EVA1B: variants seen among roughly 807,000 people sequenced by gnomAD.
EVA1B encodes protein eva-1 homolog B.
A neutral mutation model predicts 4.6 loss-of-function variants in EVA1B; 2 were observed. The observed-to-expected ratio is 0.43, with a 90% CI of 0.18 to 1.37. The LOEUF (loss-of-function observed/expected upper bound fraction) is 1.37, where lower values mean the gene tolerates loss of function less well. EVA1B is among the 40% of genes most tolerant of loss of function. EVA1B has a pLI of 0.28. For missense variants in EVA1B, 263 were observed against 240.4 expected (o/e 1.09, Z -0.62); for synonymous variants, 124 against 115.8 (o/e 1.07, Z -0.46).
Position 36,323,033 on chromosome 1 carries a change from T to G in EVA1B, c.5A>C (p.Asp2Ala), listed in dbSNP as rs1203961674. 10 of 1,599,416 alleles carry G rather than the reference T, an allele frequency of 6.3e-6. No homozygotes were observed. Among genetic ancestry groups the G allele is most frequent in the African/African-American group, 2.7e-5 (2 of 73,688 alleles). M[D>A]APRRDMELLS... is the part of the protein sequence containing the mutation. ...CAACTCCATGTCCCTTCGCGGGGCATCCATGCTGCTCTGGGGGGCAGCTCC... is the reference window on the plus strand; with the variant it reads ...CAACTCCATGTCCCTTCGCGGGGCAGCCATGCTGCTCTGGGGGGCAGCTCC... The change falls in exon 2 of 3, where the codon GAT becomes GCT. Residue 2 changes from aspartate (D) to alanine (A), a missense_variant. Transcript: ENST00000490466.
intron 2 of EVA1B, 122 bp downstream of exon 2, chr1:36,322,849 G>A (rs1646491138): frequency 3.6e-5 from 55 of 1,507,344 alleles, no homozygotes; most frequent in Non-Finnish European, 4.8e-5. Context: ...GGGCATTAGG[G>A]AACCGCCAGC....
rs1447060584 is a variant in EVA1B at position 36,322,641 on chromosome 1, A to T, written c.152T>A (p.Ile51Asn). Residue 51 changes from isoleucine to asparagine, a missense_variant, in exon 3 of 3, where the codon ATC (isoleucine) becomes AAC (asparagine). Transcript: ENST00000490466. ...GGGCCGCGGGCGGGGCGCCCACGAG[A>T]TGCTGATGACGAGCAGGCAGAGGGT... ...LLTLCLLVIS[I>N]SWAPRPRPRG... 6.5e-7 allele frequency: 1 copy of T among 1,545,512 alleles called. No individual in the cohort carries two copies. The highest frequency in any genetic ancestry group is 8.7e-7 in the Non-Finnish European group (1 of 1,146,832).
chr1:36,322,593 T>C lies in EVA1B; in HGVS notation c.200A>G (p.Asp67Gly). The C allele has an allele frequency of 6.5e-7, 1 of 1,548,062 alleles. No individual in the cohort carries two copies. Residue 67 changes from aspartate (D) to glycine (G), a missense_variant, in exon 3 of 3, where the codon GAC becomes GGC. Transcript: ENST00000490466. ...PRPRGPAQRR[D>G]PRSSTLEPED... ...GGGCTCCAGGGTGCTGCTGCGGGGGTCCCGGCGCTGAGCCGGGCCCCGGGG... is the reference window on the plus strand; with the variant it reads ...GGGCTCCAGGGTGCTGCTGCGGGGGCCCCGGCGCTGAGCCGGGCCCCGGGG...
At chr1:36,323,178 A>G in intron 1 of EVA1B, 111 bp from the exon 2 acceptor site, 2 of 894,874 alleles carry the variant, frequency 2.2e-6, no homozygotes, top group South Asian at 3.7e-5. Flanking sequence ...CCCTGGAGAG[A>G]GCGCTTCCCT....
Position 36,322,092 on chromosome 1 carries a change from A to C in EVA1B, c.*203T>G. ...ACCTCTTCATCGACCCCAGAGAGGG[A>C]GTGGGGACCCTGCATGCTGCCCCCT... On this transcript the variant is annotated 3_prime_UTR_variant, in exon 3 of 3. Transcript: ENST00000490466. 7.4e-7 allele frequency: 1 copy of C among 1,353,888 alleles called. No homozygotes were observed. The highest frequency in any genetic ancestry group is 1.8e-5 in the South Asian group (1 of 54,610). 83.9% of individuals were successfully genotyped at this position (1,353,888 alleles called of 1,614,324 possible). A position where few individuals can be genotyped will look rare whatever the true frequency, so the allele number is the denominator to read the frequency against.
intron 1 of EVA1B, 42 bp from the exon 2 acceptor site, chr1:36,323,109 C>G: frequency 6.7e-7 from 1 of 1,496,064 alleles, no homozygotes; most frequent in Non-Finnish European, 9.0e-7. Flanking sequence ...CAGCCTGGAG[C>G]CCACCCCGAC....
chr1:36,322,839 G>T, intron 2 of EVA1B, 114 bp from the exon 3 acceptor site: 1 of 1,488,092 alleles, frequency 6.7e-7, no homozygotes, highest in Non-Finnish European at 9.2e-7. Flanking sequence ...CCTACTCGAA[G>T]GGCATTAGGG....
Position 36,322,446 on chromosome 1 carries a change from G to A in EVA1B, c.347C>T (p.Ala116Val). 1 of 1,604,360 alleles carries A rather than the reference G, an allele frequency of 6.2e-7. No homozygotes were observed. Among genetic ancestry groups the A allele is most frequent in the East Asian group, 2.2e-5 (1 of 44,846 alleles). Residue 116 changes from alanine to valine, a missense_variant, in exon 3 of 3, where the codon GCG becomes GTG. Ala to Val is a moderately conservative substitution (Grantham distance 64). Transcript: ENST00000490466. ...CCGCTGCGCCCGCTCCAGCTCCTCCGCCGACGTGAAGACGTTGACGTTGAG... is the reference window on the plus strand; with the variant it reads ...CCGCTGCGCCCGCTCCAGCTCCTCCACCGACGTGAAGACGTTGACGTTGAG... ...GPLNVNVFTS[A>V]EELERAQRLE...
rs545172227 is a variant in EVA1B at position 36,322,312 on chromosome 1, G to A, written c.481C>T (p.Arg161Cys). ...PSPTATGTLG[R>C]MHYY Reference sequence around the variant, plus strand: ...GGGGCCCATCAGTAATAGTGCATGCGGCCCAGGGTGCCCGTGGCCGTGGGG... The same window carrying A: ...GGGGCCCATCAGTAATAGTGCATGCAGCCCAGGGTGCCCGTGGCCGTGGGG... The change falls in exon 3 of 3, where the codon CGC becomes TGC. Residue 161 changes from arginine (R) to cysteine (C), a missense_variant. Transcript: ENST00000490466. 1.9e-5 allele frequency: 30 copies of A among 1,546,860 alleles called. No homozygotes were observed. The East Asian group carries it at 6.7e-4, about 35-fold the overall frequency.
chr1:36,322,944 C>T (rs1202705703), intron 2 of EVA1B, 27 bp downstream of exon 2: 3 of 1,606,440 alleles, frequency 1.9e-6, no homozygotes, highest in African/African-American at 1.3e-5. Flanking sequence ...GGGTTCAGGC[C>T]CCCAGTCTTC....
In EVA1B at chr1:36,322,692, A is replaced by G. The variant is rs1408403502; in HGVS notation, c.101T>C (p.Leu34Pro). 1.9e-6 allele frequency: 3 copies of G among 1,547,318 alleles called. No homozygotes were observed. In the Admixed American group the frequency reaches 5.9e-5, roughly 30 times the overall value. The change falls in exon 3 of 3, where the codon CTG (leucine) becomes CCG (proline). Residue 34 changes from leucine to proline, a missense_variant. Coordinates refer to ENST00000490466, the MANE Select transcript of EVA1B (RefSeq NM_001304762.2). ...GAGCAGCAGGCCGAAGCAGACGCCC[A>G]GCACGAAGTAGAGGCCGAAGCTCTC... Reference protein sequence around the residue: ...NPESFGLYFVLGVCFGLLLTL... With the variant: ...NPESFGLYFVPGVCFGLLLTL...
At chr1:36,323,658 GGGGCGGGGC>G (rs1400942222), upstream of EVA1B, 1 of 152,104 alleles carries the variant, frequency 6.6e-6, no homozygotes, top group African/African-American at 2.4e-5. Flanking sequence ...GGGACGGGGC[GGGGCGGGGC>G]GGGCGGGGAG....
chr1:36,322,769 G>A, intron 2 of EVA1B, 44 bp from the exon 3 acceptor site: 1 of 1,531,448 alleles, frequency 6.5e-7, no homozygotes, highest in Non-Finnish European at 8.8e-7. Context: ...CCGGACGGGT[G>A]GGGGTTGTCC....
At position 36,322,279 on chromosome 1, in the gene EVA1B, C is replaced by G; in HGVS notation, c.*16G>C. 6.7e-7 allele frequency: 1 copy of G among 1,483,054 alleles called. No homozygotes were observed. The highest frequency in any genetic ancestry group is 8.9e-7 in the Non-Finnish European group (1 of 1,122,804). 91.9% of individuals were successfully genotyped at this position (1,483,054 alleles called of 1,614,324 possible). A position where few individuals can be genotyped will look rare whatever the true frequency, so the allele number is the denominator to read the frequency against. On this transcript the variant is annotated 3_prime_UTR_variant, in exon 3 of 3. Transcript: ENST00000490466. ...GTCCGGTACCCCGAGCGCCTTGCAG[C>G]GGGAGCCGGGGCCCATCAGTAATAG...
chr1:36,323,276 C>G (rs1646499419), intron 1 of EVA1B, among the ~76,000 whole-genome samples, 183 bp downstream of exon 1: 1 of 152,086 alleles, frequency 6.6e-6, no homozygotes, highest in Admixed American at 6.5e-5. Flanking sequence ...CGCCGGGGAC[C>G]GCGGGAGGCC....
Position 36,322,741 on chromosome 1 carries a change from C to T in EVA1B, c.68-16G>A, listed in dbSNP as rs1431530624. On this transcript the variant is annotated splice_polypyrimidine_tract_variant and intron_variant, in intron 2 of 2. Transcript: ENST00000490466. ...TCGGGGTTGGCTGCGGGGCACAGGGCGGGGGTCACGGAGAGGCCCGGACGG... is the reference window on the plus strand; with the variant it reads ...TCGGGGTTGGCTGCGGGGCACAGGGTGGGGGTCACGGAGAGGCCCGGACGG... 6.5e-7 allele frequency: 1 copy of T among 1,543,700 alleles called. No individual in the cohort carries two copies. Among genetic ancestry groups the T allele is most frequent in the Non-Finnish European group, 8.7e-7 (1 of 1,145,598 alleles).
chr1:36,322,871 C>G, intron 2 of EVA1B, 100 bp downstream of exon 2: 4 of 1,514,958 alleles, frequency 2.6e-6, no homozygotes, highest in Non-Finnish European at 3.6e-6. Flanking sequence ...GGCAAGAGGG[C>G]GGGGAGCGGG....
intron 1 of EVA1B, 52 bp from the exon 2 acceptor site, chr1:36,323,119 C>T (rs1646496498): frequency 6.8e-7 from 1 of 1,470,582 alleles, no homozygotes; most frequent in Non-Finnish European, 9.2e-7. Flanking sequence ...CCCACCCCGA[C>T]CCCTTCCGCG....
At chr1:36,323,126 C>T (rs1646496607) in intron 1 of EVA1B, 59 bp from the exon 2 acceptor site, 1 of 1,430,436 alleles carries the variant, frequency 7.0e-7, no homozygotes, top group Non-Finnish European at 9.4e-7. Context: ...CGACCCCTTC[C>T]GCGGGCAGCT....
Sources: gnomAD v4.1 joint callset for allele counts (sites outside exome capture counted in the v4.1 genomes callset) on GRCh38, gnomAD v4.1.1 for gene constraint, MANE v1.5 for transcripts, NCBI Gene and HGNC (gene_info 2026-07-23, HGNC 2026-07-21) for gene names.